The following NLRP4 variants were observed in gnomAD, a reference collection of about 807,000 sequenced individuals.
NLRP4 encodes NLR family pyrin domain containing 4.
In NLRP4, 44 loss-of-function variants were observed where a neutral mutation model predicts 84.7. The ratio of observed to expected loss-of-function variants is 0.52; its 90% CI spans 0.41 to 0.67. NLRP4 has a LOEUF of 0.67. NLRP4 is among the 30% of genes least tolerant of loss of function. NLRP4 has a pLI of 0.00. For synonymous variants in NLRP4, 544 were observed against 476.4 expected (o/e 1.14, Z -1.85); for missense variants, 1,260 against 1,219.4 (o/e 1.03, Z -0.50).
At chr19:55,876,524 A>T (rs915498306) in intron 7 of NLRP4, among the ~76,000 whole-genome samples, 1 of 147,028 alleles carries the variant, frequency 6.8e-6, no homozygotes, top group Non-Finnish European at 1.5e-5. Flanking sequence ...AATTTTTTGT[A>T]TTTTTTGTGT....
chr19:55,855,967 T>C (rs1984393868), intron 2 of NLRP4, among the ~76,000 whole-genome samples: 1 of 152,192 alleles, frequency 6.6e-6, no homozygotes, highest in Admixed American at 6.5e-5. Context: ...CTCACCAGTG[T>C]AGCAGCTGCT....
At chr19:55,864,920 T>A (rs1432470542) in intron 5 of NLRP4, among the ~76,000 whole-genome samples, 1 of 152,190 alleles carries the variant, frequency 6.6e-6, no homozygotes, top group Non-Finnish European at 1.5e-5. Flanking sequence ...CACACATTTT[T>A]AAAAACTTTT....
Position 55,852,246 on chromosome 19 carries a change from G to C in NLRP4, c.166G>C (p.Ala56Pro). 1 of 1,609,560 alleles carries C rather than the reference G, an allele frequency of 6.2e-7. No individual in the cohort carries two copies. The highest frequency in any genetic ancestry group is 8.5e-7 in the Non-Finnish European group (1 of 1,178,720). ...EVKKASREEL[A>P]NLLIKHYEEQ... Reference sequence around the variant, plus strand: ...CAAAAAAGCATCCCGGGAAGAACTTGCAAACCTCTTGATCAAGCACTATGA... The same window carrying C: ...CAAAAAAGCATCCCGGGAAGAACTTCCAAACCTCTTGATCAAGCACTATGA... Residue 56 changes from alanine to proline, a missense_variant, in exon 2 of 10, where the codon GCA (alanine) becomes CCA (proline). Physicochemically the swap from Ala to Pro is conservative, Grantham distance 27. Around this residue, in one of 3 missense-constraint regions of NLRP4, gnomAD observed 712 missense variants for 669.2 expected, o/e 1.06. Transcript: ENST00000301295.
chr19:55,870,016 T>TG (rs1360645501), intron 6 of NLRP4, among the ~76,000 whole-genome samples: 1 of 152,032 alleles, frequency 6.6e-6, no homozygotes, highest in Non-Finnish European at 1.5e-5. Context: ...GAGGATCCCT[T>TG]GAGCCAGGGA....
At chr19:55,851,917 C>A in intron 1 of NLRP4, 99 bp from the exon 2 acceptor site, 1 of 585,528 alleles carries the variant, frequency 1.7e-6, no homozygotes, top group South Asian at 2.3e-5. Context: ...TAACTTTCCG[C>A]CTTCATTGCC....
intron 1 of NLRP4, among the ~76,000 whole-genome samples, chr19:55,851,780 T>C (rs1349606416): frequency 6.6e-6 from 1 of 152,194 alleles, no homozygotes; most frequent in Non-Finnish European, 1.5e-5. Context: ...TTTGCCTGGA[T>C]ATTGAGGCTA....
At chr19:55,838,963 T>C (rs1983502304) in intron 1 of NLRP4, among the ~76,000 whole-genome samples, 1 of 152,046 alleles carries the variant, frequency 6.6e-6, no homozygotes, top group East Asian at 1.9e-4. Flanking sequence ...CTGTTTTTTT[T>C]TTTTCTTTTT....
In NLRP4 at chr19:55,858,874, C is replaced by T; in HGVS notation, c.1481C>T (p.Ala494Val). ...GCCAATTTTGAAAAAGCAAGGAGAG[C>T]ACATTGGATTTTTTTGGGGTGTTTT... is the stretch of plus-strand genomic sequence containing the variant. ...LVANFEKARR[A>V]HWIFLGCFLT... The change falls in exon 3 of 10, where the codon GCA (alanine) becomes GTA (valine). Residue 494 changes from alanine to valine, a missense_variant. Physicochemically the swap from Ala to Val is moderately conservative, Grantham distance 64. Transcript: ENST00000301295. The surrounding 1 kb of genome is among the most constrained non-coding windows in gnomAD (Gnocchi z 4.2). 1 of 1,614,118 alleles carries T rather than the reference C, an allele frequency of 6.2e-7. No individual in the cohort carries two copies.
intron 9 of NLRP4, among the ~76,000 whole-genome samples, chr19:55,879,542 T>A (rs1985507537): frequency 6.6e-6 from 1 of 151,780 alleles, no homozygotes; most frequent in Non-Finnish European, 1.5e-5. Flanking sequence ...TGCACTATGT[T>A]GCCCATTTCT....
intron 1 of NLRP4, among the ~76,000 whole-genome samples, 151 bp from the exon 2 acceptor site, chr19:55,851,865 T>C (rs576153780): frequency 5.3e-4 from 80 of 152,336 alleles, no homozygotes; most frequent in Non-Finnish European, 9.6e-4. Context: ...ATTGAGACTT[T>C]CATGACCATT....
intron 2 of NLRP4, among the ~76,000 whole-genome samples, chr19:55,853,974 T>C (rs1464847842): frequency 6.6e-6 from 1 of 151,876 alleles, no homozygotes; most frequent in African/African-American, 2.4e-5. Flanking sequence ...TCTTTCCTTC[T>C]TTCTTTCTTC....
chr19:55,854,584 G>A (rs1984336068), intron 2 of NLRP4, among the ~76,000 whole-genome samples: 1 of 152,112 alleles, frequency 6.6e-6, no homozygotes, highest in South Asian at 2.1e-4. Flanking sequence ...TAGTTACAGG[G>A]AAATTTCCTT....
intron 1 of NLRP4, among the ~76,000 whole-genome samples, chr19:55,849,851 A>AAGCTGCGGTGTAATTACCGT (rs869099397): frequency 1.3e-5 from 1 of 74,312 alleles, no homozygotes; most frequent in African/African-American, 1.1e-4. Context: ...GTAATTTCCG[A>AAGCTGCGGTGTAATTACCGT]GACTGCGGTG....
At chr19:55,866,115 C>T (rs888427899) in intron 5 of NLRP4, among the ~76,000 whole-genome samples, 46 of 152,104 alleles carry the variant, frequency 3.0e-4, no homozygotes, top group African/African-American at 1.1e-3. Context: ...TTCACTAAAA[C>T]CTCCGCCTCC....
At chr19:55,859,316 G>C in intron 3 of NLRP4, 67 bp downstream of exon 3, 2 of 1,338,070 alleles carry the variant, frequency 1.5e-6, no homozygotes, top group Non-Finnish European at 2.0e-6. Flanking sequence ...GGGTTTTGCT[G>C]AGGGAGTGTT....
At chr19:55,863,809 G>A (rs920771279) in intron 5 of NLRP4, among the ~76,000 whole-genome samples, 3 of 152,112 alleles carry the variant, frequency 2.0e-5, no homozygotes, top group African/African-American at 7.2e-5. Flanking sequence ...ACCATTGTGT[G>A]TACTTTCCAG....
In NLRP4 at chr19:55,850,805, AT is replaced by A. The variant is rs1600223953; in HGVS notation, c.-65-1208del. 8.0e-4 allele frequency among the ~76,000 whole-genome samples: 88 copies of A among 109,528 alleles called. 2 individuals are homozygous for A. Among genetic ancestry groups the A allele is most frequent in the Non-Finnish European group, 1.2e-3 (69 of 57,342 alleles). The allele number at this position is 109,528 out of a possible 152,430, so 71.9% of individuals were successfully genotyped here. ...GTGTAATTCCCGAGGCTGCGGTGTAATTTCCGAGGCTGCGGTGTAATGTCCG... is the reference window on the plus strand; with the variant it reads ...GTGTAATTCCCGAGGCTGCGGTGTAATTCCGAGGCTGCGGTGTAATGTCCG... On this transcript the variant is annotated intron_variant, in intron 1 of 9. Coordinates refer to ENST00000301295, the MANE Select transcript of NLRP4 (RefSeq NM_134444.5).
chr19:55,853,362 T>TA (rs1852254496), intron 2 of NLRP4, among the ~76,000 whole-genome samples: 1 of 152,152 alleles, frequency 6.6e-6, no homozygotes, highest in African/African-American at 2.4e-5. Context: ...ATTCTTCTGT[T>TA]TATTCTTCTG....
At chr19:55,838,256 T>C (rs1051150287) in intron 1 of NLRP4, among the ~76,000 whole-genome samples, 3 of 151,564 alleles carry the variant, frequency 2.0e-5, no homozygotes, top group Admixed American at 1.3e-4. Context: ...GAGCCAAGAT[T>C]GCGCCATTGC....
Sources: allele counts gnomAD v4.1 joint callset (sites outside exome capture counted in the v4.1 genomes callset), GRCh38; gene constraint gnomAD v4.1.1; regional missense constraint gnomAD v4.1.1; non-coding constraint Gnocchi (gnomAD v3.1); transcripts MANE v1.5; gene names NCBI Gene and HGNC (gene_info 2026-07-23, HGNC 2026-07-21).